Variants in UBA6 observed in about 807,000 individuals in gnomAD.
UBA6 encodes the protein ubiquitin-like modifier-activating enzyme 6.
UBA6 carries 87 observed loss-of-function variants against 148.3 expected under a neutral mutation model. The observed-to-expected ratio is 0.59, with a 90% CI of 0.49 to 0.70. UBA6 has a LOEUF of 0.70. Among genes scored for constraint, UBA6 ranks in the 30% least tolerant of loss-of-function variants. The probability of loss-of-function intolerance (pLI) is 0.00; values close to 1 mark genes in which losing one functional copy is unlikely to be tolerated. For missense variants in UBA6, 1,186 were observed against 1,241.2 expected, an observed-to-expected ratio of 0.96 and a Z score of 0.67; for synonymous variants, 376 against 401.0, an observed-to-expected ratio of 0.94 and a Z score of 0.75.
intron 2 of UBA6, among the ~76,000 whole-genome samples, chr4:67,687,359 T>G (rs956709875): frequency 6.6e-6 from 1 of 152,106 alleles, no homozygotes. Flanking sequence ...ATATAAAATA[T>G]TATTATTCCT....
Position 67,615,032 on chromosome 4 carries a change from TAAAA to T in UBA6, c.*3961_*3964del, listed in dbSNP as rs2109887227. On this transcript the variant is annotated 3_prime_UTR_variant, in exon 33 of 33. Transcript: ENST00000322244. Reference sequence around the variant, plus strand: ...TGCACATCCACCAGATTGGCAAAATTAAAAACAAAAACTGTTAACACCAGCACTG... The same window carrying T: ...TGCACATCCACCAGATTGGCAAAATTACAAAAACTGTTAACACCAGCACTG... 6.6e-6 allele frequency: 1 copy of T among 152,256 alleles called. No individual in the cohort carries two copies. The highest frequency in any genetic ancestry group is 2.1e-4 in the South Asian group (1 of 4,824). 9.4% of individuals were successfully genotyped at this position (152,256 alleles called of 1,614,324 possible).
chr4:67,619,875 T>G (rs552084450), intron 32 of UBA6, among the ~76,000 whole-genome samples: 1 of 152,164 alleles, frequency 6.6e-6, no homozygotes, highest in Non-Finnish European at 1.5e-5. Flanking sequence ...CTTACATCAT[T>G]GTATTGGCTT....
chr4:67,680,121 C>G (rs1176233965), intron 4 of UBA6, among the ~76,000 whole-genome samples: 1 of 152,138 alleles, frequency 6.6e-6, no homozygotes, highest in Non-Finnish European at 1.5e-5. Context: ...AGTATTTATC[C>G]TGCATTTTGT....
At chr4:67,673,022 G>A (rs1031645556) in intron 7 of UBA6, among the ~76,000 whole-genome samples, 1 of 152,048 alleles carries the variant, frequency 6.6e-6, no homozygotes, top group Non-Finnish European at 1.5e-5. Flanking sequence ...CCTAGCAGAA[G>A]GTAATTTTCA....
At chr4:67,683,212 G>A (rs1222765370) in intron 2 of UBA6, among the ~76,000 whole-genome samples, 2 of 152,050 alleles carry the variant, frequency 1.3e-5, no homozygotes, top group African/African-American at 2.4e-5. Context: ...TAGTATGTAC[G>A]AAAGTTCTTA....
intron 3 of UBA6, 33 bp downstream of exon 3, chr4:67,682,086 G>C (rs931198545): frequency 3.0e-6 from 4 of 1,351,776 alleles, no homozygotes; most frequent in Non-Finnish European, 4.2e-6. Context: ...TTGCTCAAAA[G>C]TGTCAAAAAT....
chr4:67,658,564 G>A (rs961225942), intron 13 of UBA6, among the ~76,000 whole-genome samples: 2 of 152,084 alleles, frequency 1.3e-5, no homozygotes, highest in Non-Finnish European at 2.9e-5. Context: ...TGGGAAGAGG[G>A]GGCGGAAATG....
At position 67,634,233 on chromosome 4, in the gene UBA6, G is replaced by A. The variant is rs1301230013; in HGVS notation, c.2013+9C>T. 1 of 1,561,506 alleles carries A rather than the reference G, an allele frequency of 6.4e-7. No homozygotes were observed. Among genetic ancestry groups the A allele is most frequent in the Non-Finnish European group, 8.6e-7 (1 of 1,156,666 alleles). ...TGTTAAGTTTGTATTAAAATTTACT[G>A]ATTTTTACCTGTAAGACTTCTTCTG... On this transcript the variant is annotated intron_variant, in intron 22 of 32. Transcript: ENST00000322244.
At chr4:67,643,399 A>C (rs1047712601) in intron 17 of UBA6, among the ~76,000 whole-genome samples, 12 of 151,942 alleles carry the variant, frequency 7.9e-5, no homozygotes, top group African/African-American at 2.9e-4. Flanking sequence ...TGTTATTATC[A>C]TCATGATGCA....
Position 67,643,538 on chromosome 4 carries a change from C to A in UBA6, c.1476+1160G>T, listed in dbSNP as rs1484770405. ...CTGGTGTGGTACATGCTCTGAGTTT[C>A]AATTTCTCATTAGTGACTTCTGTTT... On this transcript the variant is annotated intron_variant, in intron 17 of 32. Transcript: ENST00000322244. 3.3e-5 allele frequency among the ~76,000 whole-genome samples: 5 copies of A among 152,080 alleles called. No homozygotes were observed. In the East Asian group the frequency reaches 9.6e-4, roughly 29 times the overall value.
At chr4:67,647,649 C>G (rs1348602423) in intron 14 of UBA6, among the ~76,000 whole-genome samples, 1 of 151,186 alleles carries the variant, frequency 6.6e-6, no homozygotes, top group Non-Finnish European at 1.5e-5. Context: ...AAGAAAAGAA[C>G]TGAGTCTTAA....
At chr4:67,643,457 G>T (rs974092745) in intron 17 of UBA6, among the ~76,000 whole-genome samples, 9 of 151,976 alleles carry the variant, frequency 5.9e-5, no homozygotes, top group African/African-American at 1.9e-4. Context: ...TCTTAAATTT[G>T]TTATATTCCG....
intron 19 of UBA6, among the ~76,000 whole-genome samples, chr4:67,636,382 T>TCCCGCTCCCCACGGTCTCCCTCTCCC: frequency 6.6e-6 from 1 of 151,976 alleles, no homozygotes; most frequent in East Asian, 1.9e-4. Context: ...CTCCCTCTCC[T>TCCCGCTCCCCACGGTCTCCCTCTCCC]GCTCCCGCTC....
rs1024606633 is a variant in UBA6, at chr4:67,615,093, T to C, written c.*3904A>G. 1 of 152,224 alleles carries C rather than the reference T, an allele frequency of 6.6e-6. No individual in the cohort carries two copies. Among genetic ancestry groups the C allele is most frequent in the Non-Finnish European group, 1.5e-5 (1 of 68,038 alleles). The allele number at this position is 152,224 out of a possible 1,614,324, so 9.4% of individuals were successfully genotyped here. A position where few individuals can be genotyped will look rare whatever the true frequency, so the allele number is the denominator to read the frequency against. On this transcript the variant is annotated 3_prime_UTR_variant, in exon 33 of 33. Coordinates refer to ENST00000322244, the MANE Select transcript of UBA6 (RefSeq NM_018227.6). ...ATATGGAGAAATATGGTTTGGATAT[T>C]TGTCCCCTGCAAATATCATGTTGAA...
intron 1 of UBA6, among the ~76,000 whole-genome samples, chr4:67,696,956 A>C (rs1466454149): frequency 6.6e-6 from 1 of 152,104 alleles, no homozygotes; most frequent in Non-Finnish European, 1.5e-5. Context: ...TTGTTTTATC[A>C]CTGGTACATA....
At chr4:67,673,651 G>T (rs1435079996) in intron 7 of UBA6, 46 bp downstream of exon 7, 1 of 1,352,792 alleles carries the variant, frequency 7.4e-7, no homozygotes, top group Non-Finnish European at 1.0e-6. Flanking sequence ...TAGTGAAAGT[G>T]TTCTTCCTTG....
chr4:67,636,005 A>G (rs1729130037), intron 19 of UBA6, among the ~76,000 whole-genome samples: 1 of 152,184 alleles, frequency 6.6e-6, no homozygotes. Context: ...GCCCAAGATT[A>G]CATACTTTTC....
intron 28 of UBA6, 23 bp downstream of exon 28, chr4:67,626,337 T>G: frequency 1.3e-6 from 2 of 1,509,722 alleles, no homozygotes; most frequent in Non-Finnish European, 1.8e-6. Flanking sequence ...GTTCAAAACA[T>G]TTTTATAAAG....
chr4:67,668,648 A>G lies in UBA6; in HGVS notation c.696T>C (p.Leu232=), dbSNP rs749033574. 50 of 1,613,106 alleles carry G rather than the reference A, an allele frequency of 3.1e-5. No individual in the cohort carries two copies. The highest frequency in any genetic ancestry group is 4.2e-5 in the Non-Finnish European group (49 of 1,179,362). The change falls in exon 9 of 33, where the codon CTT becomes CTC. Residue 232 remains leucine (L), a synonymous_variant. Coordinates refer to ENST00000322244, the MANE Select transcript of UBA6 (RefSeq NM_018227.6). ...TCTCCAGTTTGTGAGGATGATTTTC[A>G]AGGCAAGTAACAATGCCAGGATTTG... ...TQANPGIVTC[L]ENHPHKLETG...
Sources: gnomAD v4.1 joint callset for allele counts (sites outside exome capture counted in the v4.1 genomes callset) on GRCh38, gnomAD v4.1.1 for gene constraint, MANE v1.5 for transcripts, NCBI Gene and HGNC (gene_info 2026-07-23, HGNC 2026-07-21) for gene names.